Variants in IPPK observed in about 807,000 individuals in gnomAD.
IPPK encodes the protein inositol-pentakisphosphate 2-kinase, also known as IPK1 homolog.
In IPPK, 22 loss-of-function variants were observed where a neutral mutation model predicts 64.6. That is an observed-to-expected ratio of 0.34 (90% CI 0.24 to 0.49). The LOEUF (loss-of-function observed/expected upper bound fraction) is 0.49. IPPK is among the 20% of genes least tolerant of loss of function. IPPK has a pLI of 0.99. For synonymous variants in IPPK, 262 were observed against 247.2 expected (o/e 1.06, Z -0.56); for missense variants, 532 against 630.7 (o/e 0.84, Z 1.68).
chr9:92,647,554 G>A (rs934516609), intron 6 of IPPK, among the ~76,000 whole-genome samples: 1 of 152,022 alleles, frequency 6.6e-6, no homozygotes, highest in Admixed American at 6.6e-5. Context: ...TACACCATGA[G>A]CAACTGGGAT....
At chr9:92,650,796 C>CT (rs966547110) in intron 4 of IPPK, among the ~76,000 whole-genome samples, 6 of 152,158 alleles carry the variant, frequency 3.9e-5, no homozygotes, top group Non-Finnish European at 7.3e-5. Context: ...GCTGCAGGCT[C>CT]TACCTTCTCT....
rs546605360 is a variant in IPPK at position 92,615,548 on chromosome 9, T to A, written c.*284A>T. 18 of 371,550 alleles carry A rather than the reference T, an allele frequency of 4.8e-5. No homozygotes were observed. Among genetic ancestry groups the A allele is most frequent in the African/African-American group, 3.3e-4 (16 of 48,012 alleles). 23.0% of individuals were successfully genotyped at this position (371,550 alleles called of 1,614,324 possible). A position where few individuals can be genotyped will look rare whatever the true frequency, so the allele number is the denominator to read the frequency against. ...TAGAGAATCAGACATGAGCCCTGGT[T>A]GGGAAAGAAGAACTATCCAGAACGT... On this transcript the variant is annotated 3_prime_UTR_variant, in exon 13 of 13. Coordinates refer to ENST00000287996, the MANE Select transcript of IPPK (RefSeq NM_022755.6).
chr9:92,657,406 C>A (rs1852395478), intron 2 of IPPK, among the ~76,000 whole-genome samples: 1 of 152,138 alleles, frequency 6.6e-6, no homozygotes, highest in Non-Finnish European at 1.5e-5. Flanking sequence ...CAAGTCTCCA[C>A]TGATCACACA....
At chr9:92,650,122 G>C (rs1852234031) in intron 4 of IPPK, among the ~76,000 whole-genome samples, 1 of 151,222 alleles carries the variant, frequency 6.6e-6, no homozygotes. Context: ...AAGAGATCAA[G>C]ACCATCTTGG....
At chr9:92,619,007 C>T (rs191766730) in intron 12 of IPPK, 9 of 241,560 alleles carry the variant, frequency 3.7e-5, no homozygotes, top group Admixed American at 1.5e-4. Context: ...GGGAGAGGGG[C>T]GGCACATAGG....
At chr9:92,664,348 G>A (rs1251951883) in intron 1 of IPPK, among the ~76,000 whole-genome samples, 1 of 152,260 alleles carries the variant, frequency 6.6e-6, no homozygotes, top group Non-Finnish European at 1.5e-5. Context: ...GCCTGTGGAG[G>A]ATGGGAGCCC....
At position 92,640,799 on chromosome 9, in the gene IPPK, T is replaced by G. The variant is rs777958102; in HGVS notation, c.564-17A>C. ...TGTTTGTTTCTAAAAGGGAAAAGCA[T>G]TAACATGCTTTAAATGCAGCTGGAA... On this transcript the variant is annotated splice_polypyrimidine_tract_variant and intron_variant, in intron 7 of 12. Transcript: ENST00000287996. The G allele has an allele frequency of 1.3e-6, 2 of 1,571,120 alleles. No homozygotes were observed. The highest frequency in any genetic ancestry group is 1.8e-6 in the Non-Finnish European group (2 of 1,141,068).
chr9:92,651,274 G>A (rs889999975), intron 4 of IPPK, among the ~76,000 whole-genome samples: 3 of 152,312 alleles, frequency 2.0e-5, no homozygotes, highest in African/African-American at 7.2e-5. Flanking sequence ...CTGTGCTCCG[G>A]GCAGAGGCAT....
rs777371523 is a variant in IPPK, at chr9:92,649,593, GT to G, written c.293-20del. 51 of 1,613,276 alleles carry G rather than the reference GT, an allele frequency of 3.2e-5. 1 individual carries two copies. The highest frequency in any genetic ancestry group is 1.0e-5 in the Non-Finnish European group (12 of 1,179,638). On this transcript the variant is annotated intron_variant, in intron 4 of 12. Coordinates refer to ENST00000287996, the MANE Select transcript of IPPK (RefSeq NM_022755.6). ...CGAGACTCTGGAAAACAGAGCAAGGGTCACACAGAGCAAGGTCAGTGAGAGA... is the reference window on the plus strand; with the variant it reads ...CGAGACTCTGGAAAACAGAGCAAGGGCACACAGAGCAAGGTCAGTGAGAGA...
chr9:92,634,319 A>G, intron 11 of IPPK, 67 bp downstream of exon 11: 3 of 1,172,404 alleles, frequency 2.6e-6, no homozygotes, highest in Middle Eastern at 2.0e-4. Context: ...AATACAAAAA[A>G]CAAAAAAACA....
At chr9:92,620,077 T>C (rs1192316426) in intron 11 of IPPK, 1 of 161,552 alleles carries the variant, frequency 6.2e-6, no homozygotes, top group Non-Finnish European at 1.4e-5. Flanking sequence ...GCTGTGCATG[T>C]GTTAACTTGC....
intron 1 of IPPK, among the ~76,000 whole-genome samples, chr9:92,666,598 G>A (rs894339124): frequency 4.6e-5 from 7 of 152,194 alleles, no homozygotes; most frequent in African/African-American, 1.7e-4. Flanking sequence ...TCTCAAGCAT[G>A]CCACAGGGTC....
At chr9:92,638,528 G>A (rs1364071577) in intron 8 of IPPK, among the ~76,000 whole-genome samples, 1 of 152,228 alleles carries the variant, frequency 6.6e-6, no homozygotes, top group Non-Finnish European at 1.5e-5. Context: ...AAAGAGCAGT[G>A]CCCTGGCCTG....
At position 92,635,206 on chromosome 9, in the gene IPPK, G is replaced by C. The variant is rs559495051; in HGVS notation, c.1019C>G (p.Pro340Arg). ...LDLLDIEGLY[P>R]LYNRVERYLE... The stretch of plus-strand genomic sequence containing the variant: ...GTATCGCTCAACCCGGTTGTACAGA[G>C]GGTAGAGGCCTTCGATGTCCAGCAG... Residue 340 changes from proline (P) to arginine (R), a missense_variant, in exon 10 of 13, where the codon CCT (proline) becomes CGT (arginine). By Grantham distance (103) the Pro-to-Arg change is moderately radical (BLOSUM62 -2). Transcript: ENST00000287996. The surrounding 1 kb of genome is among the most constrained non-coding windows in gnomAD (Gnocchi z 4.4). 1.9e-6 allele frequency: 3 copies of C among 1,614,200 alleles called. No individual in the cohort carries two copies. Among genetic ancestry groups the C allele is most frequent in the Admixed American group, 3.3e-5 (2 of 60,028 alleles).
chr9:92,624,548 T>C (rs1201928619), intron 11 of IPPK, among the ~76,000 whole-genome samples: 2 of 152,016 alleles, frequency 1.3e-5, no homozygotes, highest in African/African-American at 4.8e-5. Flanking sequence ...GAGGATCACC[T>C]ACCTGAGCTC....
At chr9:92,668,267 C>A (rs959760383) in intron 1 of IPPK, among the ~76,000 whole-genome samples, 3 of 152,054 alleles carry the variant, frequency 2.0e-5, no homozygotes, top group African/African-American at 7.2e-5. Context: ...GACCCCGTTT[C>A]TAAATAAATA....
Position 92,616,240 on chromosome 9 carries a change from A to AG in IPPK, c.1251-184dup, listed in dbSNP as rs1851429318. The stretch of plus-strand genomic sequence containing the variant: ...AATGGCCTCACACCCCAGCTCACAA[A>AG]GAGCACTCGTTCTGTGCACCTGTGA... On this transcript the variant is annotated intron_variant, in intron 12 of 12. Transcript: ENST00000287996. 7 of 555,028 alleles carry AG rather than the reference A, an allele frequency of 1.3e-5. No homozygotes were observed. In the Admixed American group the frequency reaches 2.2e-4, roughly 17 times the overall value. The allele number at this position is 555,028 out of a possible 1,614,324, so 34.4% of individuals were successfully genotyped here.
intron 11 of IPPK, among the ~76,000 whole-genome samples, chr9:92,626,042 A>G (rs892447085): frequency 1.4e-4 from 22 of 151,812 alleles, no homozygotes; most frequent in Admixed American, 1.4e-3. Context: ...AAGGAACTAG[A>G]AAAAAATACC....
At chr9:92,645,071 G>A (rs955348818) in intron 6 of IPPK, among the ~76,000 whole-genome samples, 2 of 152,166 alleles carry the variant, frequency 1.3e-5, no homozygotes, top group African/African-American at 4.8e-5. Flanking sequence ...TATCAATAGA[G>A]AGGTAGAAAT....
Sources: allele counts gnomAD v4.1 joint callset (sites outside exome capture counted in the v4.1 genomes callset), GRCh38; gene constraint gnomAD v4.1.1; non-coding constraint Gnocchi (gnomAD v3.1); transcripts MANE v1.5; gene names NCBI Gene and HGNC (gene_info 2026-07-23, HGNC 2026-07-21).